KIF5B: variants seen among roughly 807,000 people sequenced by gnomAD.
KIF5B encodes kinesin-1 heavy chain.
KIF5B carries 49 observed loss-of-function variants against 132.8 expected under a neutral mutation model. The ratio of observed to expected loss-of-function variants is 0.37; its 90% CI spans 0.29 to 0.47. The LOEUF (loss-of-function observed/expected upper bound fraction) is 0.47. Among genes scored for constraint, KIF5B ranks in the 20% least tolerant of loss-of-function variants. The probability of loss-of-function intolerance (pLI) is 1.00; values close to 1 mark genes in which losing one functional copy is unlikely to be tolerated. For synonymous variants in KIF5B, 355 were observed against 369.4 expected (o/e 0.96, Z 0.45); for missense variants, 780 against 1,144.0 (o/e 0.68, Z 4.59).
At position 32,019,969 on chromosome 10, in the gene KIF5B, GA is replaced by G. The variant is rs1564463266; in HGVS notation, c.2205-11del. The G allele has an allele frequency of 1.3e-6, 2 of 1,554,000 alleles. No homozygotes were observed. The highest frequency in any genetic ancestry group is 1.2e-5 in the South Asian group (1 of 85,536). ...CATTTTCTGGTTTTGGCTGACGAAAGAAAAAAATAATTAACACAGTATCAAT... is the reference window on the plus strand; with the variant it reads ...CATTTTCTGGTTTTGGCTGACGAAAGAAAAAATAATTAACACAGTATCAAT... On this transcript the variant is annotated splice_polypyrimidine_tract_variant and intron_variant, in intron 19 of 25. Coordinates refer to ENST00000302418, the MANE Select transcript of KIF5B (RefSeq NM_004521.3).
intron 8 of KIF5B, among the ~76,000 whole-genome samples, 159 bp from the exon 9 acceptor site, chr10:32,036,153 G>C (rs1841457636): frequency 6.6e-6 from 1 of 152,136 alleles, no homozygotes; most frequent in Non-Finnish European, 1.5e-5. Context: ...CATTTCTTGA[G>C]TACTACTCTT....
At chr10:32,020,082 C>T in intron 19 of KIF5B, 123 bp from the exon 20 acceptor site, 1 of 596,926 alleles carries the variant, frequency 1.7e-6, no homozygotes, top group Non-Finnish European at 2.9e-6. Context: ...ATCCTATACC[C>T]TATGGAGGAA....
At chr10:32,017,103 A>G in intron 24 of KIF5B, 40 bp downstream of exon 24, 1 of 1,517,460 alleles carries the variant, frequency 6.6e-7, no homozygotes, top group South Asian at 1.1e-5. Context: ...AAAGCATTCA[A>G]ATTGAGCAAG....
intron 15 of KIF5B, 117 bp downstream of exon 15, chr10:32,028,311 C>A (rs568622090): frequency 1.2e-6 from 1 of 807,402 alleles, no homozygotes; most frequent in Non-Finnish European, 1.9e-6. Context: ...ATCTACTACA[C>A]GACTGTTTGT....
At chr10:32,027,347 T>C (rs1841346159) in intron 15 of KIF5B, among the ~76,000 whole-genome samples, 2 of 152,216 alleles carry the variant, frequency 1.3e-5, no homozygotes, top group South Asian at 2.1e-4. Context: ...TTTTTAAATC[T>C]ACCACCAAGT....
At chr10:32,047,034 G>A (rs211288) in intron 2 of KIF5B, among the ~76,000 whole-genome samples, 32,273 of 152,080 alleles carry the variant, frequency 0.21, 3,613 homozygotes, top group Non-Finnish European at 0.25. Flanking sequence ...TATTTCATAT[G>A]ATTTATTGAA....
At chr10:32,038,319 T>C (rs1191925896) in intron 5 of KIF5B, 101 bp from the exon 6 acceptor site, 1 of 789,578 alleles carries the variant, frequency 1.3e-6, no homozygotes, top group Non-Finnish European at 2.2e-6. Flanking sequence ...CAGCAATAGT[T>C]GAACTCTAAA....
chr10:32,023,691 C>G (rs1033496485), intron 15 of KIF5B, among the ~76,000 whole-genome samples: 1 of 152,086 alleles, frequency 6.6e-6, no homozygotes, highest in East Asian at 1.9e-4. Context: ...GTTAACAGAA[C>G]AGAATAAAGA....
chr10:32,056,356 T>TCCGC lies in KIF5B; in HGVS notation c.-387_-384dup, dbSNP rs1841764879. 4.4e-6 allele frequency: 1 copy of TCCGC among 227,344 alleles called. No individual in the cohort carries two copies. The highest frequency in any genetic ancestry group is 8.8e-6 in the Non-Finnish European group (1 of 113,982). The allele number at this position is 227,344 out of a possible 1,614,324, so 14.1% of individuals were successfully genotyped here. ...GCGAAGAGCAGGCCGGGCCTACCCG[T>TCCGC]CCGCCCGCTCTGCCGTCCGCTGGCC... On this transcript the variant is annotated 5_prime_UTR_variant, in exon 1 of 26. Coordinates refer to ENST00000302418, the MANE Select transcript of KIF5B (RefSeq NM_004521.3).
intron 25 of KIF5B, 58 bp downstream of exon 25, chr10:32,015,451 C>T (rs1204156125): frequency 7.5e-7 from 1 of 1,333,190 alleles, no homozygotes; most frequent in African/African-American, 1.5e-5. Flanking sequence ...ACCAAAAAAC[C>T]TATTTAACAA....
In KIF5B at chr10:32,037,500, C is replaced by T. The variant is rs751594241; in HGVS notation, c.586+20G>A. ...TTTTAAGCTGGTTTTAAATCCTAAC[C>T]AGTGTTATTTTCTACTTACTTGTAA... On this transcript the variant is annotated intron_variant, in intron 7 of 25. Transcript: ENST00000302418. 4.4e-6 allele frequency: 7 copies of T among 1,597,796 alleles called. No individual in the cohort carries two copies. The Admixed American group carries it at 1.0e-4, about 23-fold the overall frequency.
chr10:32,041,642 A>G (rs1465860587), intron 2 of KIF5B, among the ~76,000 whole-genome samples: 2 of 152,212 alleles, frequency 1.3e-5, no homozygotes. Context: ...AAAAAATGTT[A>G]TGAGACAGGG....
intron 8 of KIF5B, 39 bp downstream of exon 8, chr10:32,037,215 A>G: frequency 6.3e-7 from 1 of 1,587,748 alleles, no homozygotes; most frequent in South Asian, 1.1e-5. Context: ...AAGTTTACAA[A>G]GATGCTTAAA....
At chr10:32,035,690 A>G in intron 9 of KIF5B, 23 bp from the exon 10 acceptor site, 1 of 1,584,486 alleles carries the variant, frequency 6.3e-7, no homozygotes, top group Non-Finnish European at 8.6e-7. Context: ...ACAAAGAAAG[A>G]AAACAAGACC....
At chr10:32,039,064 T>C (rs939812751) in intron 4 of KIF5B, among the ~76,000 whole-genome samples, 4 of 152,198 alleles carry the variant, frequency 2.6e-5, no homozygotes. Context: ...TAGTTTTATG[T>C]AGTAGAAACC....
intron 15 of KIF5B, among the ~76,000 whole-genome samples, chr10:32,023,395 T>C (rs776496660): frequency 6.6e-5 from 10 of 152,238 alleles, no homozygotes; most frequent in African/African-American, 1.2e-4. Context: ...TTGTTAATCA[T>C]GTGCACGTTC....
chr10:32,015,617 G>A lies in KIF5B; in HGVS notation c.2804C>T (p.Thr935Ile). The change falls in exon 25 of 26, where the codon ACT becomes ATT. Residue 935 changes from threonine (T) to isoleucine (I), a missense_variant. Coordinates refer to ENST00000302418, the MANE Select transcript of KIF5B (RefSeq NM_004521.3). ...RPGQHPAASP[T>I]HPSAIRGGGA... is the part of the protein sequence containing the mutation. ...TCCTCCACGAATTGCACTTGGGTGA[G>A]TTGGAGAAGCTGCTGGATGTTGCCC... 1.2e-6 allele frequency: 2 copies of A among 1,613,646 alleles called. No homozygotes were observed. The highest frequency in any genetic ancestry group is 1.7e-6 in the Non-Finnish European group (2 of 1,179,654).
chr10:32,028,439 T>G lies in KIF5B; in HGVS notation c.1714A>C (p.Asn572His). The stretch of plus-strand genomic sequence containing the variant: ...GTTATTATATTTACCTTTACATCAT[T>G]ATTTCCCACAGCAATTCCTATTTCT... The part of the protein sequence containing the change: ...LAEIGIAVGN[N>H]DVKQPEGTGM... The change falls in exon 15 of 26, where the codon AAT (asparagine) becomes CAT (histidine). Residue 572 changes from asparagine (N) to histidine (H), a missense_variant. This residue lies in a region of KIF5B where 471 missense variants were observed against 569.9 expected (regional missense o/e 0.83). Transcript: ENST00000302418. 6.2e-7 allele frequency: 1 copy of G among 1,611,276 alleles called. No homozygotes were observed. The highest frequency in any genetic ancestry group is 8.5e-7 in the Non-Finnish European group (1 of 1,177,842).
chr10:32,054,649 T>G (rs1841730906), intron 1 of KIF5B, among the ~76,000 whole-genome samples: 2 of 152,204 alleles, frequency 1.3e-5, no homozygotes, highest in African/African-American at 2.4e-5. Context: ...GAGGAAAAAT[T>G]AACATATTAA....
Sources: gnomAD v4.1 joint callset for allele counts (sites outside exome capture counted in the v4.1 genomes callset) on GRCh38, gnomAD v4.1.1 for gene constraint, gnomAD v4.1.1 regional missense constraint, MANE v1.5 for transcripts, NCBI Gene and HGNC (gene_info 2026-07-23, HGNC 2026-07-21) for gene names.